SLC15A2: variants seen among roughly 807,000 people sequenced by gnomAD.
The protein encoded by SLC15A2 is solute carrier family 15 member 2, also known as kidney H(+)/peptide cotransporter.
SLC15A2 carries 77 observed loss-of-function variants against 95.5 expected under a neutral mutation model. That is an observed-to-expected ratio of 0.81 (90% CI 0.67 to 0.97). The LOEUF (loss-of-function observed/expected upper bound fraction) is 0.97, where lower values mean the gene tolerates loss of function less well. Ranked by LOEUF, SLC15A2 falls within the 50% of genes least tolerant of loss-of-function variation. The pLI is 0.00. For missense variants in SLC15A2, 893 were observed against 874.4 expected (o/e 1.02, Z -0.27); for synonymous variants, 306 against 306.9 (o/e 1.00, Z 0.03).
At chr3:121,920,255 C>T (rs1033526955) in intron 7 of SLC15A2, among the ~76,000 whole-genome samples, 2 of 152,102 alleles carry the variant, frequency 1.3e-5, no homozygotes, top group African/African-American at 4.8e-5. Context: ...TTATTCCCTA[C>T]CCAAAATTTT....
At chr3:121,905,207 A>G (rs1474080420) in intron 3 of SLC15A2, among the ~76,000 whole-genome samples, 3 of 152,072 alleles carry the variant, frequency 2.0e-5, no homozygotes, top group Non-Finnish European at 2.9e-5. Flanking sequence ...CCCCTTTATC[A>G]TTTTTTATTG....
intron 4 of SLC15A2, among the ~76,000 whole-genome samples, chr3:121,912,482 C>A (rs557694690): frequency 7.4e-4 from 113 of 152,278 alleles, no homozygotes; most frequent in Admixed American, 4.0e-3. Context: ...GATCCACCTG[C>A]CTCAGCTTCC....
intron 4 of SLC15A2, among the ~76,000 whole-genome samples, chr3:121,912,669 T>G (rs1159987652): frequency 1.3e-5 from 2 of 152,204 alleles, no homozygotes; most frequent in East Asian, 3.8e-4. Context: ...CTTAAAGGTC[T>G]TTCCATTGAA....
At chr3:121,920,586 G>A (rs1054215296) in intron 7 of SLC15A2, among the ~76,000 whole-genome samples, 17 of 152,266 alleles carry the variant, frequency 1.1e-4, no homozygotes, top group African/African-American at 4.1e-4. Flanking sequence ...GTGAGCCACC[G>A]CGCCCAGCCG....
At chr3:121,908,459 G>T (rs768846310) in intron 3 of SLC15A2, among the ~76,000 whole-genome samples, 14 of 152,224 alleles carry the variant, frequency 9.2e-5, no homozygotes, top group Non-Finnish European at 2.1e-4. Context: ...ACCATCTTCT[G>T]CATCAACTAC....
intron 3 of SLC15A2, among the ~76,000 whole-genome samples, chr3:121,901,622 T>C (rs1194022889): frequency 1.3e-5 from 2 of 152,032 alleles, no homozygotes; most frequent in Non-Finnish European, 2.9e-5. Context: ...GTGTGTAACA[T>C]ATACAAACAG....
rs1156603550 is a variant in SLC15A2, at chr3:121,917,166, T to G, written c.697+1473T>G. ...ACTCATTTTTTTAACCAACATTTAATGAACCTATTGTGTGCCATATTATGT... is the reference window on the plus strand; with the variant it reads ...ACTCATTTTTTTAACCAACATTTAAGGAACCTATTGTGTGCCATATTATGT... On this transcript the variant is annotated intron_variant, in intron 7 of 21. Coordinates refer to ENST00000489711, the MANE Select transcript of SLC15A2 (RefSeq NM_021082.4). Among the ~76,000 whole-genome samples, 3 of 152,192 alleles carry G rather than the reference T, an allele frequency of 2.0e-5. No individual in the cohort carries two copies. In the East Asian group the frequency reaches 5.8e-4, roughly 29 times the overall value.
chr3:121,907,223 C>G (rs894160666), intron 3 of SLC15A2, among the ~76,000 whole-genome samples: 3 of 152,168 alleles, frequency 2.0e-5, no homozygotes, highest in Non-Finnish European at 4.4e-5. Context: ...GTCTTCTCTG[C>G]AGTGTTTATT....
At chr3:121,928,634 T>A (rs980142848) in intron 15 of SLC15A2, 79 bp downstream of exon 15, 30 of 1,450,174 alleles carry the variant, frequency 2.1e-5, no homozygotes, top group Non-Finnish European at 2.7e-5. Context: ...AATTGTATCA[T>A]AAGCATCTTC....
In SLC15A2 at chr3:121,913,119, A is replaced by G; in HGVS notation, c.527A>G (p.His176Arg). ...AFGGDQFEEKHAEERTRYFSV... is the reference protein window; with the variant it reads ...AFGGDQFEEKRAEERTRYFSV... ...GGTGGAGACCAGTTTGAAGAAAAAC[A>G]TGTAAGAATCCTGTTATTTTGTATT... The change falls in exon 5 of 22, where the codon CAT (histidine) becomes CGT (arginine). Residue 176 changes from histidine (H) to arginine (R), a missense_variant and splice_region_variant. By Grantham distance (29) the His-to-Arg change is conservative (BLOSUM62 0). Transcript: ENST00000489711. 1 of 1,609,848 alleles carries G rather than the reference A, an allele frequency of 6.2e-7. No individual in the cohort carries two copies. Among genetic ancestry groups the G allele is most frequent in the South Asian group, 1.1e-5 (1 of 90,964 alleles).
chr3:121,929,391 A>G, intron 17 of SLC15A2, 43 bp downstream of exon 17: 1 of 1,586,388 alleles, frequency 6.3e-7, no homozygotes, highest in Non-Finnish European at 8.7e-7. Flanking sequence ...GTTTTCTTGA[A>G]TCTTGGATCT....
At chr3:121,923,604 C>T (rs956691329) in intron 11 of SLC15A2, among the ~76,000 whole-genome samples, 7 of 152,164 alleles carry the variant, frequency 4.6e-5, no homozygotes, top group Admixed American at 3.3e-4. Context: ...TTGAGTGGCA[C>T]TACTACGCAA....
At chr3:121,905,753 G>A (rs1334711459) in intron 3 of SLC15A2, among the ~76,000 whole-genome samples, 1 of 152,170 alleles carries the variant, frequency 6.6e-6, no homozygotes, top group Non-Finnish European at 1.5e-5. Flanking sequence ...TTGCTGAGGA[G>A]TGCTTTACTT....
chr3:121,895,121 A>G (rs1709393415), intron 1 of SLC15A2, among the ~76,000 whole-genome samples: 1 of 152,204 alleles, frequency 6.6e-6, no homozygotes, highest in Admixed American at 6.5e-5. Context: ...ATCTCAGTCA[A>G]TTCTTACACT....
rs561216967 is a variant in SLC15A2, at chr3:121,910,323, G to A, written c.336-1251G>A. 2.2e-4 allele frequency among the ~76,000 whole-genome samples: 33 copies of A among 149,766 alleles called. No homozygotes were observed. The South Asian group carries it at 6.8e-3, about 31-fold the overall frequency. ...GCGATTCTCCTGCCTCAGCCTCCCC[G>A]CTAGCTGGGATTATAGGTGCATGTC... On this transcript the variant is annotated intron_variant, in intron 3 of 21. Coordinates refer to ENST00000489711, the MANE Select transcript of SLC15A2 (RefSeq NM_021082.4).
chr3:121,917,610 C>G (rs530799159), intron 7 of SLC15A2, among the ~76,000 whole-genome samples: 13 of 152,184 alleles, frequency 8.5e-5, no homozygotes, highest in African/African-American at 3.1e-4. Flanking sequence ...ATCGCTTGAG[C>G]CCAGAAGGTC....
chr3:121,910,240 T>C (rs1286414641), intron 3 of SLC15A2, among the ~76,000 whole-genome samples: 1 of 146,146 alleles, frequency 6.8e-6, no homozygotes. Flanking sequence ...CTGTCGCCAG[T>C]ATGGAGTGCA....
chr3:121,901,424 C>T (rs191610468), intron 3 of SLC15A2, among the ~76,000 whole-genome samples: 61 of 152,252 alleles, frequency 4.0e-4, no homozygotes, highest in Non-Finnish European at 7.1e-4. Context: ...TCAAATGTAG[C>T]CACATGACTG....
intron 19 of SLC15A2, among the ~76,000 whole-genome samples, chr3:121,934,811 G>A (rs1312346453): frequency 6.6e-6 from 1 of 152,116 alleles, no homozygotes; most frequent in Non-Finnish European, 1.5e-5. Context: ...TTGAATAGGA[G>A]TGGAGAGAGA....
Sources: gnomAD v4.1 joint callset for allele counts (sites outside exome capture counted in the v4.1 genomes callset) on GRCh38, gnomAD v4.1.1 for gene constraint, MANE v1.5 for transcripts, NCBI Gene and HGNC (gene_info 2026-07-23, HGNC 2026-07-21) for gene names.